CAPN9: variants seen among roughly 807,000 people sequenced by gnomAD.
CAPN9 encodes calpain-9.
Under a neutral mutation model 92.8 loss-of-function variants are expected in CAPN9, and 81 were observed. The ratio of observed to expected loss-of-function variants is 0.87; its 90% CI spans 0.73 to 1.05. The LOEUF is 1.05. Among genes scored for constraint, CAPN9 ranks in the 50% least tolerant of loss-of-function variants. The probability of loss-of-function intolerance (pLI) is 0.00; values close to 1 mark genes in which losing one functional copy is unlikely to be tolerated. For missense variants in CAPN9, 848 were observed against 866.2 expected (o/e 0.98, Z 0.26); for synonymous variants, 304 against 328.0 (o/e 0.93, Z 0.79).
chr1:230,778,363 T>C (rs977740543), intron 8 of CAPN9, among the ~76,000 whole-genome samples: 2 of 152,192 alleles, frequency 1.3e-5, no homozygotes, highest in Admixed American at 1.3e-4. Flanking sequence ...TGCTTCCACT[T>C]GTGTCCCCAA....
At chr1:230,752,825 G>A (rs1171800772) in intron 1 of CAPN9, 3 of 383,890 alleles carry the variant, frequency 7.8e-6, no homozygotes, top group Non-Finnish European at 1.1e-5. Flanking sequence ...TTTCCCTTCG[G>A]GCAGGCACAT....
intron 6 of CAPN9, among the ~76,000 whole-genome samples, chr1:230,769,929 T>C (rs756534921): frequency 2.5e-4 from 38 of 152,200 alleles, no homozygotes; most frequent in Non-Finnish European, 4.6e-4. Context: ...ATTGTAAGAA[T>C]ACAGTATATA....
Position 230,772,115 on chromosome 1 carries a change from C to T in CAPN9, c.875+16C>T, listed in dbSNP as rs752136106. The T allele has an allele frequency of 1.9e-6, 3 of 1,611,186 alleles. No individual in the cohort carries two copies. In the Admixed American group the frequency reaches 5.0e-5, roughly 27 times the overall value. On this transcript the variant is annotated intron_variant, in intron 7 of 19. Coordinates refer to ENST00000271971, the MANE Select transcript of CAPN9 (RefSeq NM_006615.3). ...GGAGCGACAGGTCAGTCACCCTATCCTGCCTCTCTGGCTGGTTCCCGGGGC... is the reference window on the plus strand; with the variant it reads ...GGAGCGACAGGTCAGTCACCCTATCTTGCCTCTCTGGCTGGTTCCCGGGGC...
chr1:230,767,348 G>A (rs1666053739), intron 4 of CAPN9, among the ~76,000 whole-genome samples, 193 bp from the exon 5 acceptor site: 1 of 152,128 alleles, frequency 6.6e-6, no homozygotes, highest in African/African-American at 2.4e-5. Flanking sequence ...TTGCAGGAAG[G>A]TCAGGATCTT....
At chr1:230,776,184 A>T (rs1351858683) in intron 8 of CAPN9, 1 of 152,106 alleles carries the variant, frequency 6.6e-6, no homozygotes, top group Non-Finnish European at 1.5e-5. Flanking sequence ...CCTGTTTCTG[A>T]TTTATAGATG....
chr1:230,749,498 T>A (rs933119552), intron 1 of CAPN9, among the ~76,000 whole-genome samples: 1 of 152,164 alleles, frequency 6.6e-6, no homozygotes, highest in African/African-American at 2.4e-5. Flanking sequence ...TGGGTGCATT[T>A]TTAACTGTGG....
At chr1:230,750,216 C>T (rs1664678886) in intron 1 of CAPN9, among the ~76,000 whole-genome samples, 1 of 152,198 alleles carries the variant, frequency 6.6e-6, no homozygotes, top group African/African-American at 2.4e-5. Flanking sequence ...CCCGACCTGC[C>T]ACCCAGCCCA....
chr1:230,768,348 T>C (rs1261399898), intron 5 of CAPN9, among the ~76,000 whole-genome samples: 1 of 152,092 alleles, frequency 6.6e-6, no homozygotes, highest in Non-Finnish European at 1.5e-5. Context: ...ACAGGCGCAT[T>C]TTTACCTCCC....
chr1:230,752,147 G>A lies in CAPN9; in HGVS notation c.214-3190G>A, dbSNP rs545273746. 4.0e-5 allele frequency among the ~76,000 whole-genome samples: 6 copies of A among 151,880 alleles called. No homozygotes were observed. In the South Asian group the frequency reaches 1.0e-3, roughly 26 times the overall value. ...ATGTGGAGCATGCACAAGCACACAC[G>A]TGTACCACACCTGGGCACACACAAC... On this transcript the variant is annotated intron_variant, in intron 1 of 19. Coordinates refer to ENST00000271971, the MANE Select transcript of CAPN9 (RefSeq NM_006615.3).
rs754752705 is a variant in CAPN9 at position 230,774,605 on chromosome 1, C to T, written c.927C>T (p.His309=). Residue 309 remains histidine (H), a synonymous_variant, in exon 8 of 20, where the codon CAC becomes CAT. Transcript: ENST00000271971. ...VGPAEQKRLC[H]TALDDGEFWM... ...CAGCTGAGCAGAAGCGTCTGTGTCA[C>T]ACTGCTCTGGATGATGGGGAATTCT... 11 of 1,613,946 alleles carry T rather than the reference C, an allele frequency of 6.8e-6. No homozygotes were observed. Among genetic ancestry groups the T allele is most frequent in the Non-Finnish European group, 9.3e-6 (11 of 1,179,808 alleles).
chr1:230,797,347 A>G (rs921368535), intron 18 of CAPN9, among the ~76,000 whole-genome samples: 19 of 152,156 alleles, frequency 1.2e-4, no homozygotes, highest in African/African-American at 3.9e-4. Context: ...TGTTTTTAGC[A>G]TCATCTTCAT....
intron 1 of CAPN9, among the ~76,000 whole-genome samples, chr1:230,752,462 C>T (rs3000061): frequency 0.73 from 111,129 of 152,142 alleles, 40,992 homozygotes; most frequent in African/African-American, 0.8. Context: ...TGGGTGCGAT[C>T]TGGTTTAAAA....
At chr1:230,772,165 C>A in intron 7 of CAPN9, 66 bp downstream of exon 7, 2 of 1,375,010 alleles carry the variant, frequency 1.5e-6, no homozygotes, top group Non-Finnish European at 2.1e-6. Context: ...CTGGCTTGTG[C>A]AGACATGTGA....
In CAPN9 at chr1:230,794,064, G is replaced by A. The variant is rs144753419; in HGVS notation, c.1871-1099G>A. On this transcript the variant is annotated intron_variant, in intron 17 of 19. Transcript: ENST00000271971. ...GTCTGACCTGCCTGCTCCTCTGCTG[G>A]AATTAGGAAGAAGCAGAAAGACCCT... Among the ~76,000 whole-genome samples, 1,418 of 152,310 alleles carry A rather than the reference G, an allele frequency of 9.3e-3. 8 individuals carry two copies. Among genetic ancestry groups the A allele is most frequent in the Non-Finnish European group, 0.016 (1,096 of 68,020 alleles).
chr1:230,763,256 T>C (rs1558090134), intron 4 of CAPN9, among the ~76,000 whole-genome samples: 1 of 152,242 alleles, frequency 6.6e-6, no homozygotes, highest in Non-Finnish European at 1.5e-5. Context: ...AAAATGTATA[T>C]GACATAAATT....
intron 15 of CAPN9, 60 bp downstream of exon 15, chr1:230,791,988 A>G (rs1256280708): frequency 8.4e-7 from 1 of 1,196,922 alleles, no homozygotes; most frequent in African/African-American, 1.5e-5. Flanking sequence ...AGCACAGTAG[A>G]GTAATCTTCA....
intron 17 of CAPN9, among the ~76,000 whole-genome samples, chr1:230,793,772 T>C (rs1000977118): frequency 2.0e-5 from 3 of 152,178 alleles, no homozygotes; most frequent in African/African-American, 7.2e-5. Context: ...GAAAATCAGA[T>C]GATTTATAAA....
intron 11 of CAPN9, among the ~76,000 whole-genome samples, chr1:230,782,058 T>C (rs897581411): frequency 3.9e-5 from 6 of 152,170 alleles, no homozygotes; most frequent in African/African-American, 1.4e-4. Context: ...TTGACATCTC[T>C]TATGGGTGGC....
chr1:230,792,680 C>T (rs114080646), intron 16 of CAPN9, among the ~76,000 whole-genome samples, 170 bp from the exon 17 acceptor site: 1,652 of 152,330 alleles, frequency 0.011, 24 homozygotes, highest in African/African-American at 0.026. Context: ...CCACCCAAGA[C>T]GAAAAGGAAG....
Sources: allele counts gnomAD v4.1 joint callset (sites outside exome capture counted in the v4.1 genomes callset), GRCh38; gene constraint gnomAD v4.1.1; transcripts MANE v1.5; gene names NCBI Gene and HGNC (gene_info 2026-07-23, HGNC 2026-07-21).